UNC80: variants seen among roughly 807,000 people sequenced by gnomAD.
UNC80 encodes protein unc-80 homolog.
A neutral mutation model predicts 384.6 loss-of-function variants in UNC80; 164 were observed. That is an observed-to-expected ratio of 0.43 (90% CI 0.38 to 0.49). UNC80 has a LOEUF of 0.49. Among genes scored for constraint, UNC80 ranks in the 20% least tolerant of loss-of-function variants. The pLI is 0.00. For missense variants in UNC80, 3,330 were observed against 4,143.0 expected (o/e 0.80, Z 5.39); for synonymous variants, 1,486 against 1,527.8 (o/e 0.97, Z 0.64).
At chr2:209,891,676 A>C (rs1216480487) in intron 26 of UNC80, among the ~76,000 whole-genome samples, 1 of 152,176 alleles carries the variant, frequency 6.6e-6, no homozygotes, top group Non-Finnish European at 1.5e-5. Context: ...GGTTATGTTA[A>C]CATATGAAAG....
In UNC80 at chr2:209,829,263, T is replaced by A; in HGVS notation, c.2510T>A (p.Leu837Gln). The change falls in exon 15 of 65, where the codon CTA (leucine) becomes CAA (glutamine). Residue 837 changes from leucine to glutamine, a missense_variant. This residue lies in a region of UNC80 where 937 missense variants were observed against 1,026.8 expected (regional missense o/e 0.91). Transcript: ENST00000673920. ...AACTGCCTCACTAAGCTATACAAGC[T>A]AGATAAGATGCAGTTCCGACAAACC... is the stretch of plus-strand genomic sequence containing the variant. ...AQNCLTKLYK[L>Q]DKMQFRQTMR... The A allele has an allele frequency of 6.4e-7, 1 of 1,551,432 alleles. No homozygotes were observed. Among genetic ancestry groups the A allele is most frequent in the Non-Finnish European group, 8.7e-7 (1 of 1,146,790 alleles).
intron 29 of UNC80, 123 bp from the exon 30 acceptor site, chr2:209,912,437 A>C (rs2089052211): frequency 3.9e-6 from 2 of 507,180 alleles, no homozygotes; most frequent in Admixed American, 4.0e-5. Context: ...GTGGACCCAC[A>C]AAAAGGCCTT....
At chr2:209,825,841 C>T in intron 13 of UNC80, 66 bp from the exon 14 acceptor site, 7 of 1,379,866 alleles carry the variant, frequency 5.1e-6, no homozygotes, top group Non-Finnish European at 6.6e-6. Flanking sequence ...ACAATAGAAT[C>T]TTAGCAAAAG....
chr2:209,938,676 G>GTCTCTC (rs10555565), intron 42 of UNC80, among the ~76,000 whole-genome samples: 2,301 of 137,380 alleles, frequency 0.017, 21 homozygotes, highest in Admixed American at 0.024. Context: ...CCTAGTCTCT[G>GTCTCTC]TCTCTCTCTC....
At chr2:209,777,700 T>A in intron 4 of UNC80, 141 bp downstream of exon 4, 1 of 936,880 alleles carries the variant, frequency 1.1e-6, no homozygotes, top group Non-Finnish European at 1.6e-6. Flanking sequence ...TATTTCTGTG[T>A]TAAACTACTG....
chr2:209,902,001 A>T (rs532260077), intron 28 of UNC80, among the ~76,000 whole-genome samples: 77 of 152,224 alleles, frequency 5.1e-4, no homozygotes, highest in African/African-American at 1.8e-3. Flanking sequence ...CCTGTGATGG[A>T]TCTTGGCAAA....
chr2:209,896,880 G>C (rs768573282), intron 28 of UNC80, among the ~76,000 whole-genome samples: 2 of 152,150 alleles, frequency 1.3e-5, no homozygotes, highest in African/African-American at 4.8e-5. Flanking sequence ...CAGGCAGGAG[G>C]TGATCCCAGG....
At chr2:209,879,912 C>A (rs902427488) in intron 24 of UNC80, among the ~76,000 whole-genome samples, 3 of 152,128 alleles carry the variant, frequency 2.0e-5, no homozygotes, top group Non-Finnish European at 4.4e-5. Context: ...CCGTAATTTC[C>A]ACCTATTTTC....
At chr2:209,975,554 C>T (rs527910323) in intron 56 of UNC80, among the ~76,000 whole-genome samples, 1 of 152,100 alleles carries the variant, frequency 6.6e-6, no homozygotes, top group Non-Finnish European at 1.5e-5. Context: ...TACTGGTTAC[C>T]TCTGGGGAGC....
intron 35 of UNC80, among the ~76,000 whole-genome samples, chr2:209,924,231 C>G (rs1012642440): frequency 6.6e-6 from 1 of 152,092 alleles, no homozygotes; most frequent in South Asian, 2.1e-4. Context: ...TGTGGAAACT[C>G]TGCAAATCAA....
intron 61 of UNC80, 53 bp from the exon 62 acceptor site, chr2:209,992,113 G>C: frequency 6.9e-7 from 1 of 1,443,634 alleles, no homozygotes; most frequent in Non-Finnish European, 9.5e-7. Context: ...CCCACCAGAG[G>C]ACAGTCTCCT....
At chr2:209,819,607 A>G (rs2079997818) in intron 12 of UNC80, among the ~76,000 whole-genome samples, 1 of 152,210 alleles carries the variant, frequency 6.6e-6, no homozygotes. Flanking sequence ...TTATTTTGGT[A>G]TTAACAAGAC....
intron 52 of UNC80, 39 bp downstream of exon 52, chr2:209,967,676 G>T (rs1435515772): frequency 6.5e-7 from 1 of 1,537,226 alleles, no homozygotes; most frequent in African/African-American, 1.4e-5. Context: ...TATCACAAAT[G>T]TCAAAGTTAA....
intron 61 of UNC80, among the ~76,000 whole-genome samples, chr2:209,991,325 C>G (rs760763392): frequency 7.2e-5 from 11 of 152,142 alleles, no homozygotes; most frequent in African/African-American, 2.7e-4. Context: ...TTCATCCCCA[C>G]GCCCATTATA....
At chr2:209,926,766 A>T in intron 35 of UNC80, 77 bp from the exon 36 acceptor site, 1 of 1,511,098 alleles carries the variant, frequency 6.6e-7, no homozygotes. Flanking sequence ...ACAGAGTGAG[A>T]CCCTATCTCA....
intron 22 of UNC80, among the ~76,000 whole-genome samples, chr2:209,858,206 C>T (rs935308728): frequency 1.1e-4 from 16 of 152,118 alleles, no homozygotes; most frequent in South Asian, 6.2e-4. Context: ...AGAAATATTA[C>T]GATTTCTAAT....
At chr2:209,920,085 C>A (rs1457855668) in intron 33 of UNC80, among the ~76,000 whole-genome samples, 3 of 152,188 alleles carry the variant, frequency 2.0e-5, no homozygotes, top group Non-Finnish European at 4.4e-5. Flanking sequence ...AGGAGAATCA[C>A]TTGAACCCAG....
intron 22 of UNC80, among the ~76,000 whole-genome samples, chr2:209,856,505 A>T (rs1460661180): frequency 1.3e-5 from 2 of 152,064 alleles, no homozygotes; most frequent in East Asian, 1.9e-4. Flanking sequence ...ATTCCAAGGT[A>T]GCAAAGACAT....
intron 28 of UNC80, among the ~76,000 whole-genome samples, chr2:209,902,858 G>T (rs1485600620): frequency 6.6e-6 from 1 of 151,684 alleles, no homozygotes; most frequent in South Asian, 2.1e-4. Context: ...TTATTTTGGT[G>T]GTCTGGAACT....
Sources: allele counts gnomAD v4.1 joint callset (sites outside exome capture counted in the v4.1 genomes callset), GRCh38; gene constraint gnomAD v4.1.1; regional missense constraint gnomAD v4.1.1; transcripts MANE v1.5; gene names NCBI Gene and HGNC (gene_info 2026-07-23, HGNC 2026-07-21).